Variants in AGBL1 observed in about 807,000 individuals in gnomAD.
AGBL1 encodes AGBL carboxypeptidase 1, also known as cytosolic carboxypeptidase 4.
AGBL1 carries 130 observed loss-of-function variants against 118.9 expected under a neutral mutation model. That is an observed-to-expected ratio of 1.09 (90% confidence interval 0.95 to 1.26). The LOEUF (loss-of-function observed/expected upper bound fraction) is 1.26. AGBL1 is among the 50% of genes most tolerant of loss of function. The probability of loss-of-function intolerance (pLI) is 0.00; values close to 1 mark genes in which losing one functional copy is unlikely to be tolerated. For synonymous variants in AGBL1, 555 were observed against 478.9 expected (o/e 1.16, Z -2.08); for missense variants, 1,584 against 1,298.1 (o/e 1.22, Z -3.38).
chr15:86,990,545 G>A (rs971577676), intron 24 of AGBL1, among the ~76,000 whole-genome samples: 6 of 152,066 alleles, frequency 3.9e-5, no homozygotes, highest in Non-Finnish European at 7.4e-5. Context: ...TTGGGTTCTG[G>A]ACACATGGGG....
chr15:86,687,746 T>C (rs938083391), intron 22 of AGBL1, among the ~76,000 whole-genome samples: 6 of 152,154 alleles, frequency 3.9e-5, no homozygotes, highest in African/African-American at 1.4e-4. Context: ...AAAGTGTACA[T>C]AATGATTACA....
intron 18 of AGBL1, among the ~76,000 whole-genome samples, chr15:86,468,877 C>G (rs2082441313): frequency 6.6e-6 from 1 of 152,130 alleles, no homozygotes; most frequent in African/African-American, 2.4e-5. Context: ...TTTGCCTCCC[C>G]TCTTGGAACC....
At chr15:86,289,571 A>C (rs2141753707) in intron 16 of AGBL1, among the ~76,000 whole-genome samples, 1 of 152,314 alleles carries the variant, frequency 6.6e-6, no homozygotes, top group Middle Eastern at 3.4e-3. Context: ...AGGTTAAATA[A>C]AAAATTTACA....
intron 5 of AGBL1, among the ~76,000 whole-genome samples, chr15:86,171,044 A>G (rs148546997): frequency 6.9e-4 from 105 of 152,302 alleles, no homozygotes; most frequent in African/African-American, 2.5e-3. Context: ...GTACTCAGTG[A>G]AAATAGCTTT....
At chr15:86,696,482 C>G (rs963097983) in intron 22 of AGBL1, among the ~76,000 whole-genome samples, 1 of 151,564 alleles carries the variant, frequency 6.6e-6, no homozygotes, top group Non-Finnish European at 1.5e-5. Flanking sequence ...CCTTATGTGT[C>G]AAGTGAGTCT....
chr15:86,606,833 T>C (rs1191837978), intron 21 of AGBL1, among the ~76,000 whole-genome samples: 2 of 152,184 alleles, frequency 1.3e-5, no homozygotes, highest in Non-Finnish European at 1.5e-5. Context: ...CCAAAGTCCA[T>C]AGTTTACATT....
At chr15:86,819,209 A>T (rs891402195) in intron 22 of AGBL1, among the ~76,000 whole-genome samples, 6 of 152,100 alleles carry the variant, frequency 3.9e-5, no homozygotes, top group African/African-American at 1.2e-4. Flanking sequence ...TGAGGTCGGT[A>T]GTGATACTAA....
chr15:86,886,877 C>T (rs970535806), intron 22 of AGBL1, among the ~76,000 whole-genome samples: 52 of 152,024 alleles, frequency 3.4e-4, no homozygotes, highest in African/African-American at 1.1e-3. Flanking sequence ...AAAACTCAGA[C>T]GAAGAAATAA....
chr15:86,632,931 A>G (rs540925719), intron 21 of AGBL1, among the ~76,000 whole-genome samples: 27 of 152,314 alleles, frequency 1.8e-4, no homozygotes, highest in African/African-American at 5.1e-4. Context: ...GCATAGTTCA[A>G]TTATTAACCA....
chr15:86,864,924 G>T (rs2141488232), intron 22 of AGBL1, among the ~76,000 whole-genome samples: 1 of 152,208 alleles, frequency 6.6e-6, no homozygotes, highest in Non-Finnish European at 1.5e-5. Context: ...TCCATATTTT[G>T]ATTTTTCAGA....
intron 18 of AGBL1, among the ~76,000 whole-genome samples, chr15:86,489,671 T>G (rs2082755263): frequency 6.6e-6 from 1 of 152,168 alleles, no homozygotes; most frequent in Non-Finnish European, 1.5e-5. Context: ...TTGTTCATGT[T>G]GCTGCTTTAT....
intron 18 of AGBL1, 142 bp from the exon 19 acceptor site, chr15:86,522,668 C>G: frequency 1.9e-6 from 2 of 1,029,714 alleles, no homozygotes; most frequent in Non-Finnish European, 2.8e-6. Flanking sequence ...GCTTTCTAGA[C>G]ATCTGAAATT....
At chr15:87,031,236 T>C (rs535656587), downstream of AGBL1, among the ~76,000 whole-genome samples, 3 of 152,084 alleles carry the variant, frequency 2.0e-5, no homozygotes, top group Admixed American at 6.6e-5. Flanking sequence ...CTTAATTTTT[T>C]TAAACCAACA....
At chr15:86,252,044 A>C (rs983346866) in intron 7 of AGBL1, among the ~76,000 whole-genome samples, 1 of 152,228 alleles carries the variant, frequency 6.6e-6, no homozygotes, top group Non-Finnish European at 1.5e-5. Flanking sequence ...GTTAAAACAC[A>C]GATTGCTAGA....
intron 23 of AGBL1, among the ~76,000 whole-genome samples, chr15:86,973,427 A>G (rs948390935): frequency 2.0e-5 from 3 of 151,966 alleles, no homozygotes; most frequent in Non-Finnish European, 2.9e-5. Context: ...AGCAATTTCA[A>G]TTGACTTCCT....
chr15:86,512,547 A>G (rs1323836898), intron 18 of AGBL1, among the ~76,000 whole-genome samples: 1 of 151,784 alleles, frequency 6.6e-6, no homozygotes, highest in Admixed American at 6.6e-5. Flanking sequence ...TAGATTTCCA[A>G]TGAGTTTCTT....
chr15:86,310,279 T>C (rs182174421), intron 17 of AGBL1, among the ~76,000 whole-genome samples: 1 of 152,274 alleles, frequency 6.6e-6, no homozygotes, highest in East Asian at 1.9e-4. Flanking sequence ...TAATGCCTCT[T>C]GTTTAAAATT....
At position 86,674,465 on chromosome 15, in the gene AGBL1, T is replaced by C. The variant is rs763759832; in HGVS notation, c.3158+29T>C. On this transcript the variant is annotated intron_variant, in intron 22 of 22. Transcript: ENST00000614907. ...AGATGCTCCCAAGGGCTCAGAGAAA[T>C]TTGGACCTTGGTGGTTCCATTGCTC... is the stretch of plus-strand genomic sequence containing the variant. The C allele has an allele frequency of 2.5e-6, 4 of 1,586,094 alleles. No homozygotes were observed. The South Asian group carries it at 3.3e-5, about 13-fold the overall frequency.
At position 87,009,481 on chromosome 15, in the gene AGBL1, G is replaced by A. The variant is rs920001602; in HGVS notation, c.3324-19344G>A. On this transcript the variant is annotated intron_variant, in intron 24 of 24. Transcript: ENST00000441037. ...GGGCCTCATGGAGAACCTCTGCTAG[G>A]GCAGTGTGGAAGAGAAATGTTGGAT... 4.6e-5 allele frequency among the ~76,000 whole-genome samples: 7 copies of A among 152,344 alleles called. No individual in the cohort carries two copies. The East Asian group carries it at 1.2e-3, about 25-fold the overall frequency.
Sources: gnomAD v4.1 joint callset for allele counts (sites outside exome capture counted in the v4.1 genomes callset) on GRCh38, gnomAD v4.1.1 for gene constraint, MANE v1.5 for transcripts, NCBI Gene and HGNC (gene_info 2026-07-23, HGNC 2026-07-21) for gene names.